The following TUBGCP3 variants were observed in gnomAD, a reference collection of about 807,000 sequenced individuals.
The protein encoded by TUBGCP3 is gamma-tubulin complex component 3.
Under a neutral mutation model 123.1 loss-of-function variants are expected in TUBGCP3, and 50 were observed. The observed-to-expected ratio is 0.41, with a 90% confidence interval of 0.32 to 0.51. The LOEUF (loss-of-function observed/expected upper bound fraction) is 0.51. TUBGCP3 is among the 20% of genes least tolerant of loss of function. The probability of loss-of-function intolerance (pLI) is 0.36; values close to 1 mark genes in which losing one functional copy is unlikely to be tolerated. For synonymous variants in TUBGCP3, 405 were observed against 413.9 expected (o/e 0.98, Z 0.26); for missense variants, 882 against 1,127.0 (o/e 0.78, Z 3.11).
intron 17 of TUBGCP3, among the ~76,000 whole-genome samples, chr13:112,516,070 T>C (rs1027979392): frequency 4.3e-4 from 65 of 152,122 alleles, no homozygotes; most frequent in Admixed American, 3.4e-3. Context: ...GACTATCTGA[T>C]ACCTAAGAAT....
intron 13 of TUBGCP3, among the ~76,000 whole-genome samples, chr13:112,526,626 A>G (rs941716522): frequency 1.3e-5 from 2 of 148,852 alleles, no homozygotes; most frequent in Non-Finnish European, 3.0e-5. Flanking sequence ...CATCACTACC[A>G]CCAGCACACC....
chr13:112,560,625 T>C (rs1880439094), intron 3 of TUBGCP3, among the ~76,000 whole-genome samples: 1 of 152,266 alleles, frequency 6.6e-6, no homozygotes, highest in Non-Finnish European at 1.5e-5. Context: ...CACATGTAAG[T>C]ACCTTTATTT....
chr13:112,540,209 A>G (rs1878401427), intron 11 of TUBGCP3, among the ~76,000 whole-genome samples: 3 of 147,922 alleles, frequency 2.0e-5, no homozygotes, highest in Admixed American at 2.0e-4. Context: ...GATGACGTCA[A>G]TGTAGTAGCC....
chr13:112,492,517 C>A (rs995883876), intron 20 of TUBGCP3, among the ~76,000 whole-genome samples: 2 of 152,260 alleles, frequency 1.3e-5, no homozygotes, highest in Non-Finnish European at 2.9e-5. Flanking sequence ...TCCTGTGGCC[C>A]CTTCCAATGA....
the TUBGCP3 span, among the ~76,000 whole-genome samples, chr13:112,597,774 A>G: frequency 1.4e-4 from 22 of 152,330 alleles, no homozygotes; most frequent in African/African-American, 4.8e-4. Flanking sequence ...TGCTGAGAAA[A>G]GGATTTAAAA....
intron 11 of TUBGCP3, among the ~76,000 whole-genome samples, chr13:112,531,044 G>A (rs1877532970): frequency 6.6e-6 from 1 of 152,098 alleles, no homozygotes; most frequent in Admixed American, 6.5e-5. Flanking sequence ...CATTTTCCCA[G>A]GGCAACCAAC....
chr13:112,556,385 G>A (rs976605611), intron 5 of TUBGCP3, among the ~76,000 whole-genome samples, 161 bp from the exon 6 acceptor site: 1 of 152,084 alleles, frequency 6.6e-6, no homozygotes, highest in Non-Finnish European at 1.5e-5. Flanking sequence ...ATCAATAACA[G>A]ACAGTCCCAA....
intron 20 of TUBGCP3, among the ~76,000 whole-genome samples, chr13:112,498,220 T>C (rs1404441761): frequency 1.3e-5 from 2 of 152,174 alleles, no homozygotes; most frequent in East Asian, 3.8e-4. Context: ...ACTTTAACGA[T>C]GGGTTTATTG....
chr13:112,520,276 C>T (rs1357931942), intron 14 of TUBGCP3, among the ~76,000 whole-genome samples: 1 of 152,126 alleles, frequency 6.6e-6, no homozygotes, highest in East Asian at 1.9e-4. Flanking sequence ...AGCTTGTAAT[C>T]CCAGCACTTT....
chr13:112,559,729 AATT>A (rs1880343541), intron 3 of TUBGCP3, among the ~76,000 whole-genome samples: 1 of 152,234 alleles, frequency 6.6e-6, no homozygotes, highest in Non-Finnish European at 1.5e-5. Flanking sequence ...CCAAAACCGT[AATT>A]ATGAGACAAA....
intron 1 of TUBGCP3, among the ~76,000 whole-genome samples, chr13:112,580,789 G>A (rs1882226774): frequency 6.6e-6 from 1 of 152,206 alleles, no homozygotes; most frequent in Non-Finnish European, 1.5e-5. Flanking sequence ...TTCAGGAATA[G>A]AAGCGTAAGA....
chr13:112,548,298 G>T, intron 8 of TUBGCP3, 122 bp from the exon 9 acceptor site: 1 of 568,788 alleles, frequency 1.8e-6, no homozygotes, highest in Admixed American at 3.2e-5. Flanking sequence ...TTTAAATTCA[G>T]GTTTTGTCAA....
intron 9 of TUBGCP3, among the ~76,000 whole-genome samples, 163 bp downstream of exon 9, chr13:112,547,945 T>C (rs1879208065): frequency 6.6e-6 from 1 of 152,220 alleles, no homozygotes; most frequent in Non-Finnish European, 1.5e-5. Context: ...TAACTGGCTC[T>C]AGGATACACT....
chr13:112,527,758 T>C (rs1877252313), intron 11 of TUBGCP3, among the ~76,000 whole-genome samples: 1 of 152,246 alleles, frequency 6.6e-6, no homozygotes, highest in South Asian at 2.1e-4. Context: ...AGCATAATAC[T>C]GAGGCTTCCT....
intron 11 of TUBGCP3, among the ~76,000 whole-genome samples, chr13:112,543,071 AC>A: frequency 6.6e-6 from 1 of 151,868 alleles, no homozygotes; most frequent in African/African-American, 2.4e-5. Flanking sequence ...AACTGCTTGA[AC>A]CCCAGAGGTG....
intron 8 of TUBGCP3, among the ~76,000 whole-genome samples, chr13:112,550,826 CG>C (rs1879503702): frequency 6.6e-6 from 1 of 152,146 alleles, no homozygotes; most frequent in Non-Finnish European, 1.5e-5. Flanking sequence ...CGGCCAGGTG[CG>C]GTGGCTCACG....
chr13:112,537,830 T>C (rs926571677), intron 11 of TUBGCP3, among the ~76,000 whole-genome samples: 2 of 152,246 alleles, frequency 1.3e-5, no homozygotes, highest in Admixed American at 6.5e-5. Flanking sequence ...TACAGGTCTA[T>C]TCAGGTTTTC....
At position 112,539,536 on chromosome 13, in the gene TUBGCP3, A is replaced by C. The variant is rs1878329458; in HGVS notation, c.1335+6163T>G. ...TCTGAAAAAACCTACAAGCAAAATT[A>C]GTGAAGCAAACAAGAGTATCTCAGG... is the stretch of plus-strand genomic sequence containing the variant. On this transcript the variant is annotated intron_variant, in intron 11 of 21. Coordinates refer to ENST00000261965, the MANE Select transcript of TUBGCP3 (RefSeq NM_006322.6). 2.0e-5 allele frequency among the ~76,000 whole-genome samples: 3 copies of C among 152,278 alleles called. 1 individual carries two copies. The highest frequency in any genetic ancestry group is 4.1e-4 in the South Asian group (2 of 4,836).
intron 3 of TUBGCP3, among the ~76,000 whole-genome samples, chr13:112,560,214 A>G (rs1418839288): frequency 2.0e-5 from 3 of 151,480 alleles, no homozygotes; most frequent in African/African-American, 7.3e-5. Context: ...GCGGATCACG[A>G]GGTCAGGAGA....
Sources: gnomAD v4.1 joint callset for allele counts (sites outside exome capture counted in the v4.1 genomes callset) on GRCh38, gnomAD v4.1.1 for gene constraint, MANE v1.5 for transcripts, NCBI Gene and HGNC (gene_info 2026-07-23, HGNC 2026-07-21) for gene names.